The following KLHL3 variants were observed in gnomAD, a reference collection of about 807,000 sequenced individuals.
KLHL3 encodes the protein kelch like family member 3, also known as kelch-like protein 3.
A neutral mutation model predicts 70.5 loss-of-function variants in KLHL3; 19 were observed. That is an observed-to-expected ratio of 0.27 (90% CI 0.19 to 0.40). KLHL3 has a LOEUF of 0.40. Among genes scored for constraint, KLHL3 ranks in the 10% least tolerant of loss-of-function variants. The probability of loss-of-function intolerance (pLI) is 1.00; values close to 1 mark genes in which losing one functional copy is unlikely to be tolerated. For synonymous variants in KLHL3, 258 were observed against 290.3 expected (o/e 0.89, Z 1.13); for missense variants, 512 against 771.1 (o/e 0.66, Z 3.98).
At chr5:137,676,938 T>C (rs1026147089) in intron 6 of KLHL3, among the ~76,000 whole-genome samples, 1 of 152,124 alleles carries the variant, frequency 6.6e-6, no homozygotes, top group Non-Finnish European at 1.5e-5. Context: ...AGGGGTATGG[T>C]AGAGGTGGAA....
At chr5:137,698,940 G>T (rs1366581239) in intron 3 of KLHL3, among the ~76,000 whole-genome samples, 1 of 152,176 alleles carries the variant, frequency 6.6e-6, no homozygotes, top group Non-Finnish European at 1.5e-5. Context: ...CAACCTTGAG[G>T]TTTATTAATA....
At chr5:137,718,770 C>T (rs1277653960) in intron 2 of KLHL3, among the ~76,000 whole-genome samples, 3 of 152,248 alleles carry the variant, frequency 2.0e-5, no homozygotes, top group Non-Finnish European at 4.4e-5. Flanking sequence ...TAAGCATGGA[C>T]ATCAGCACAG....
chr5:137,686,640 G>C (rs1752172142), intron 5 of KLHL3, among the ~76,000 whole-genome samples: 1 of 152,192 alleles, frequency 6.6e-6, no homozygotes, highest in Non-Finnish European at 1.5e-5. Context: ...TGCACTTACA[G>C]TAGAGTGAGG....
chr5:137,674,935 G>A (rs993064962), intron 6 of KLHL3, among the ~76,000 whole-genome samples: 3 of 152,192 alleles, frequency 2.0e-5, no homozygotes, highest in African/African-American at 7.2e-5. Context: ...GAAGCTTCCA[G>A]CTATTTAACT....
intron 4 of KLHL3, among the ~76,000 whole-genome samples, chr5:137,695,760 G>A (rs1366682243): frequency 1.3e-5 from 2 of 152,206 alleles, no homozygotes; most frequent in East Asian, 3.8e-4. Context: ...CAAAGCAGCA[G>A]CAGTGACAAG....
chr5:137,655,337 G>A (rs1751310378), intron 8 of KLHL3, among the ~76,000 whole-genome samples: 1 of 152,116 alleles, frequency 6.6e-6, no homozygotes, highest in Non-Finnish European at 1.5e-5. Context: ...TGAGACAATT[G>A]GCTCATCATT....
intron 2 of KLHL3, among the ~76,000 whole-genome samples, chr5:137,718,287 T>A (rs1414918505): frequency 6.6e-6 from 1 of 152,172 alleles, no homozygotes; most frequent in African/African-American, 2.4e-5. Flanking sequence ...AAAAACCTAG[T>A]AACTTGTAAC....
intron 1 of KLHL3, among the ~76,000 whole-genome samples, chr5:137,729,006 A>T (rs1317556373): frequency 6.6e-6 from 1 of 152,088 alleles, no homozygotes; most frequent in Non-Finnish European, 1.5e-5. Context: ...AAAAGAAAAA[A>T]CAAATGAGGA....
intron 1 of KLHL3, among the ~76,000 whole-genome samples, chr5:137,727,055 G>A (rs941846156): frequency 4.0e-5 from 6 of 151,818 alleles, no homozygotes; most frequent in South Asian, 2.1e-4. Flanking sequence ...TGTCTTATTT[G>A]ACTCCCCTAA....
intron 3 of KLHL3, among the ~76,000 whole-genome samples, chr5:137,698,898 T>C (rs910112704): frequency 2.0e-5 from 3 of 152,200 alleles, no homozygotes; most frequent in African/African-American, 7.2e-5. Flanking sequence ...GGCCACACAC[T>C]TAAGCACTTT....
chr5:137,664,296 G>A (rs1751558227), intron 6 of KLHL3, among the ~76,000 whole-genome samples: 1 of 151,588 alleles, frequency 6.6e-6, no homozygotes, highest in Non-Finnish European at 1.5e-5. Context: ...CCTACAGTGT[G>A]CCATGAGTGT....
intron 13 of KLHL3, among the ~76,000 whole-genome samples, chr5:137,627,476 C>G (rs1750498994): frequency 1.0e-5 from 1 of 97,616 alleles, no homozygotes; most frequent in African/African-American, 3.4e-5. Context: ...TAAATATCAC[C>G]ACCCCCCCCC....
In KLHL3 at chr5:137,735,762, C is replaced by G. The variant is rs1312596106; in HGVS notation, c.-116G>C. The G allele has an allele frequency of 7.0e-7, 1 of 1,419,740 alleles. No homozygotes were observed. Among genetic ancestry groups the G allele is most frequent in the African/African-American group, 1.4e-5 (1 of 71,090 alleles). 87.9% of individuals were successfully genotyped at this position (1,419,740 alleles called of 1,614,324 possible). A position where few individuals can be genotyped will look rare whatever the true frequency, so the allele number is the denominator to read the frequency against. On this transcript the variant is annotated 5_prime_UTR_variant, in exon 1 of 15. Coordinates refer to ENST00000309755, the MANE Select transcript of KLHL3 (RefSeq NM_017415.3). ...GGAAATCTGATCAGCAACAGTGATTCAGCATGGCTGCAAGTGAAGCCTCCT... is the reference window on the plus strand; with the variant it reads ...GGAAATCTGATCAGCAACAGTGATTGAGCATGGCTGCAAGTGAAGCCTCCT...
At chr5:137,708,916 G>A (rs1165726815) in intron 3 of KLHL3, among the ~76,000 whole-genome samples, 1 of 152,204 alleles carries the variant, frequency 6.6e-6, no homozygotes, top group Non-Finnish European at 1.5e-5. Flanking sequence ...ATGTAGAAGG[G>A]ACACCTGACC....
At chr5:137,643,704 C>T (rs1379612685) in intron 8 of KLHL3, among the ~76,000 whole-genome samples, 1 of 152,158 alleles carries the variant, frequency 6.6e-6, no homozygotes, top group African/African-American at 2.4e-5. Flanking sequence ...GCATACCCAC[C>T]ATCTCAAACA....
intron 6 of KLHL3, among the ~76,000 whole-genome samples, chr5:137,670,038 G>A (rs1202843865): frequency 6.6e-6 from 1 of 152,182 alleles, no homozygotes; most frequent in Admixed American, 6.5e-5. Flanking sequence ...TGAGTAAGGG[G>A]AAGGAAGCTC....
intron 7 of KLHL3, among the ~76,000 whole-genome samples, chr5:137,659,749 G>T (rs988575003): frequency 6.6e-6 from 1 of 152,102 alleles, no homozygotes; most frequent in African/African-American, 2.4e-5. Flanking sequence ...ACAAAGTTTT[G>T]GAAATCTTTA....
At chr5:137,702,906 A>G (rs1485114439) in intron 3 of KLHL3, among the ~76,000 whole-genome samples, 1 of 152,202 alleles carries the variant, frequency 6.6e-6, no homozygotes, top group African/African-American at 2.4e-5. Context: ...CCTAACAAGC[A>G]CACTATGTGC....
chr5:137,632,796 C>A (rs1334472778), intron 12 of KLHL3, among the ~76,000 whole-genome samples: 1 of 152,262 alleles, frequency 6.6e-6, no homozygotes, highest in East Asian at 1.9e-4. Flanking sequence ...ATACAAGGAA[C>A]TCCAACAACT....
Sources: gnomAD v4.1 joint callset for allele counts (sites outside exome capture counted in the v4.1 genomes callset) on GRCh38, gnomAD v4.1.1 for gene constraint, MANE v1.5 for transcripts, NCBI Gene and HGNC (gene_info 2026-07-23, HGNC 2026-07-21) for gene names.